The following FOXP2 variants were observed in gnomAD, a reference collection of about 807,000 sequenced individuals.
The protein encoded by FOXP2 is forkhead box P2.
FOXP2 carries 12 observed loss-of-function variants against 115.8 expected under a neutral mutation model. The ratio of observed to expected loss-of-function variants is 0.10; its 90% CI spans 0.07 to 0.17. The LOEUF (loss-of-function observed/expected upper bound fraction) is 0.17. Among genes scored for constraint, FOXP2 ranks in the 10% least tolerant of loss-of-function variants. FOXP2 has a pLI of 1.00. For missense variants in FOXP2, 629 were observed against 843.5 expected (o/e 0.75, Z 3.15); for synonymous variants, 328 against 297.7 (o/e 1.10, Z -1.05).
chr7:114,474,092 C>T (rs1294707051), intron 2 of FOXP2, among the ~76,000 whole-genome samples: 1 of 152,138 alleles, frequency 6.6e-6, no homozygotes, highest in African/African-American at 2.4e-5. Flanking sequence ...TAGATATAAA[C>T]CTCATCTTTC....
At chr7:114,408,458 G>A (rs1056977904) in intron 2 of FOXP2, among the ~76,000 whole-genome samples, 2 of 152,162 alleles carry the variant, frequency 1.3e-5, no homozygotes, top group Non-Finnish European at 2.9e-5. Flanking sequence ...CAGGCGCAGT[G>A]GCTCACACCT....
intron 1 of FOXP2, among the ~76,000 whole-genome samples, chr7:114,246,450 G>C (rs1018498468): frequency 2.0e-5 from 3 of 151,984 alleles, no homozygotes; most frequent in Non-Finnish European, 2.9e-5. Context: ...GGAAACATAA[G>C]ATAAAAGAAG....
At chr7:114,252,543 T>G (rs919647386) in intron 1 of FOXP2, among the ~76,000 whole-genome samples, 5 of 152,216 alleles carry the variant, frequency 3.3e-5, no homozygotes, top group African/African-American at 1.2e-4. Context: ...GTCCAGGAAT[T>G]TATCCATTTC....
At chr7:114,509,681 C>G (rs979668144) in intron 2 of FOXP2, among the ~76,000 whole-genome samples, 19 of 135,024 alleles carry the variant, frequency 1.4e-4, no homozygotes, top group Admixed American at 1.4e-3. Context: ...GGGGGGGGGG[C>G]TTGTTAATAA....
intron 2 of FOXP2, among the ~76,000 whole-genome samples, chr7:114,367,410 C>T (rs1420438697): frequency 6.6e-6 from 1 of 152,162 alleles, no homozygotes; most frequent in Non-Finnish European, 1.5e-5. Flanking sequence ...AGTATATCCT[C>T]ACCCAGGGAT....
chr7:114,103,434 A>T (rs529506756), intron 1 of FOXP2, among the ~76,000 whole-genome samples: 286 of 151,882 alleles, frequency 1.9e-3, no homozygotes, highest in African/African-American at 6.5e-3. Context: ...GTATTTATTT[A>T]TTTTTTTTAA....
chr7:114,494,734 C>A (rs1584806698), intron 2 of FOXP2, among the ~76,000 whole-genome samples: 1 of 151,756 alleles, frequency 6.6e-6, no homozygotes, highest in Non-Finnish European at 1.5e-5. Context: ...AAAATTGAAA[C>A]CAATCTAATA....
At chr7:114,290,814 C>A (rs149864155) in intron 2 of FOXP2, among the ~76,000 whole-genome samples, 1 of 151,954 alleles carries the variant, frequency 6.6e-6, no homozygotes, top group Non-Finnish European at 1.5e-5. Flanking sequence ...GGCTCTTTTA[C>A]GCTTAATTTG....
chr7:114,413,928 A>G (rs1793237045), upstream of FOXP2, among the ~76,000 whole-genome samples: 1 of 152,010 alleles, frequency 6.6e-6, no homozygotes, highest in South Asian at 2.1e-4. Flanking sequence ...AAGCTTGTCC[A>G]CTCACGATGG....
intron 1 of FOXP2, among the ~76,000 whole-genome samples, chr7:114,150,769 A>G (rs911565442): frequency 6.6e-6 from 1 of 151,886 alleles, no homozygotes; most frequent in Admixed American, 6.6e-5. Context: ...GTTTTCCTAG[A>G]TATCAATTTT....
intron 3 of FOXP2, among the ~76,000 whole-genome samples, chr7:114,550,200 C>G (rs905977169): frequency 1.2e-4 from 18 of 148,492 alleles, no homozygotes; most frequent in Non-Finnish European, 4.4e-5. Flanking sequence ...TCACTGCAAG[C>G]TCCGCCTCCT....
intron 1 of FOXP2, among the ~76,000 whole-genome samples, chr7:114,145,431 T>TTTTTCTTTTCTCTTTTCTTTTC (rs1792338150): frequency 6.0e-5 from 6 of 100,446 alleles, no homozygotes; most frequent in Non-Finnish European, 1.3e-4. Context: ...GCTTTGCCAT[T>TTTTTCTTTTCTCTTTTCTTTTC]TTTTCTTTTC....
chr7:114,195,146 A>G (rs1427710595), intron 1 of FOXP2, among the ~76,000 whole-genome samples: 2 of 152,098 alleles, frequency 1.3e-5, no homozygotes, highest in African/African-American at 2.4e-5. Context: ...TTACAGAGGG[A>G]GAGGAGCCGA....
intron 2 of FOXP2, among the ~76,000 whole-genome samples, chr7:114,364,941 C>T (rs1791842711): frequency 6.6e-6 from 1 of 152,068 alleles, no homozygotes; most frequent in Non-Finnish European, 1.5e-5. Flanking sequence ...TTAACCAGCA[C>T]AAATTAAATT....
chr7:114,386,977 A>G (rs962021440), intron 2 of FOXP2, among the ~76,000 whole-genome samples: 5 of 152,172 alleles, frequency 3.3e-5, no homozygotes, highest in African/African-American at 1.2e-4. Flanking sequence ...ATGATTGGAG[A>G]TGATTGTGAA....
chr7:114,646,001 G>A (rs1200443093), intron 8 of FOXP2, among the ~76,000 whole-genome samples: 1 of 125,842 alleles, frequency 7.9e-6, no homozygotes, highest in Non-Finnish European at 1.6e-5. Context: ...GTATGAAACT[G>A]ATTATAAGCA....
rs1180318702 is a variant in FOXP2, at chr7:114,692,822, TTTTA to T, written c.*2902_*2905del. On this transcript the variant is annotated 3_prime_UTR_variant, in exon 17 of 17. Coordinates refer to ENST00000350908, the MANE Select transcript of FOXP2 (RefSeq NM_014491.4). ...TTTATGTATTGGTGGAATATACCTGTTTTATTTATCTTTTTTGAGGTAAACTAAT... is the reference window on the plus strand; with the variant it reads ...TTTATGTATTGGTGGAATATACCTGTTTTATCTTTTTTGAGGTAAACTAAT... 5 of 449,826 alleles carry T rather than the reference TTTTA, an allele frequency of 1.1e-5. No individual in the cohort carries two copies. The highest frequency in any genetic ancestry group is 1.8e-5 in the Non-Finnish European group (4 of 224,594). The allele number at this position is 449,826 out of a possible 1,614,324, so 27.9% of individuals were successfully genotyped here.
Position 114,690,750 on chromosome 7 carries a change from C to A in FOXP2, c.*824C>A, listed in dbSNP as rs1808623472. 1 of 454,362 alleles carries A rather than the reference C, an allele frequency of 2.2e-6. No homozygotes were observed. The highest frequency in any genetic ancestry group is 2.0e-5 in the African/African-American group (1 of 49,996). 28.1% of individuals were successfully genotyped at this position (454,362 alleles called of 1,614,324 possible). A position where few individuals can be genotyped will look rare whatever the true frequency, so the allele number is the denominator to read the frequency against. On this transcript the variant is annotated 3_prime_UTR_variant, in exon 17 of 17. Coordinates refer to ENST00000350908, the MANE Select transcript of FOXP2 (RefSeq NM_014491.4). ...ACAGTCAAAGGCTACAGCTGCAAACCAAAGCCAACTCTAACCATGGCCAAG... is the reference window on the plus strand; with the variant it reads ...ACAGTCAAAGGCTACAGCTGCAAACAAAAGCCAACTCTAACCATGGCCAAG...
chr7:114,422,914 A>G (rs1052820382), intron 1 of FOXP2, among the ~76,000 whole-genome samples: 11 of 151,720 alleles, frequency 7.3e-5, no homozygotes, highest in Admixed American at 2.0e-4. Flanking sequence ...AGGAGGCCTA[A>G]TTGAGCTATG....
Sources: gnomAD v4.1 joint callset for allele counts (sites outside exome capture counted in the v4.1 genomes callset) on GRCh38, gnomAD v4.1.1 for gene constraint, MANE v1.5 for transcripts, NCBI Gene and HGNC (gene_info 2026-07-23, HGNC 2026-07-21) for gene names.